The following KCNC1 variants were observed in gnomAD, a reference collection of about 807,000 sequenced individuals.
KCNC1 encodes the protein voltage-gated potassium channel KCNC1.
KCNC1 carries 8 observed loss-of-function variants against 43.4 expected under a neutral mutation model. That is an observed-to-expected ratio of 0.18 (90% CI 0.11 to 0.33). The LOEUF (loss-of-function observed/expected upper bound fraction) is 0.33, where lower values mean the gene tolerates loss of function less well. KCNC1 is among the 10% of genes least tolerant of loss of function. The probability of loss-of-function intolerance (pLI) is 1.00; values close to 1 mark genes in which losing one functional copy is unlikely to be tolerated. For missense variants in KCNC1, 420 were observed against 836.0 expected, an observed-to-expected ratio of 0.50 and a Z score of 6.14; for synonymous variants, 361 against 360.5, an observed-to-expected ratio of 1.00 and a Z score of -0.01.
intron 1 of KCNC1, among the ~76,000 whole-genome samples, chr11:17,743,406 C>A (rs1241056808): frequency 6.6e-6 from 1 of 152,240 alleles, no homozygotes; most frequent in Non-Finnish European, 1.5e-5. Flanking sequence ...TCTTTCCCAA[C>A]AACCTGTCCA....
At chr11:17,774,565 G>A in intron 2 of KCNC1, 1 of 985,628 alleles carries the variant, frequency 1.0e-6, no homozygotes. Flanking sequence ...ATGCACACCA[G>A]CTAATCCCAG....
intron 1 of KCNC1, among the ~76,000 whole-genome samples, chr11:17,751,266 C>G (rs77979332): frequency 6.6e-6 from 1 of 151,954 alleles, no homozygotes; most frequent in Non-Finnish European, 1.5e-5. Context: ...TGGGAGAGAC[C>G]GACGAGTAAT....
chr11:17,776,894 C>G lies in KCNC1; in HGVS notation c.1505-2562C>G. Reference sequence around the variant, plus strand: ...GAAAGCATCTTAAACCATAGATAGACGAACAGCCCAGGGGCCTGGGCCCCT... The same window carrying G: ...GAAAGCATCTTAAACCATAGATAGAGGAACAGCCCAGGGGCCTGGGCCCCT... On this transcript the variant is annotated intron_variant, in intron 2 of 3. Transcript: ENST00000265969. This position sits in a 1 kb window ranked among gnomAD's most constrained non-coding sequence, Gnocchi z 4.4. 28 of 985,334 alleles carry G rather than the reference C, an allele frequency of 2.8e-5. No individual in the cohort carries two copies. The highest frequency in any genetic ancestry group is 3.4e-5 in the Non-Finnish European group (28 of 829,942). The allele number at this position is 985,334 out of a possible 1,614,324, so 61.0% of individuals were successfully genotyped here. A position where few individuals can be genotyped will look rare whatever the true frequency, so the allele number is the denominator to read the frequency against.
At chr11:17,756,961 GCTA>G (rs1849029480) in intron 1 of KCNC1, among the ~76,000 whole-genome samples, 3 of 152,180 alleles carry the variant, frequency 2.0e-5, no homozygotes, top group Admixed American at 2.0e-4. Context: ...ACACTTTCCA[GCTA>G]TGTGGGGGAT....
rs146876822 is a variant in KCNC1, at chr11:17,740,648, G to T, written c.570+4076G>T. 1.3e-3 allele frequency among the ~76,000 whole-genome samples: 196 copies of T among 152,254 alleles called. 1 individual carries two copies. The highest frequency in any genetic ancestry group is 1.8e-3 in the Non-Finnish European group (122 of 68,018). On this transcript the variant is annotated intron_variant, in intron 1 of 3. Transcript: ENST00000265969. ...CTGCAGGCCAGAGTGTCCTGTGTGT[G>T]TGTGTTTGTGTGTGTGTGTTAACAT...
At position 17,773,116 on chromosome 11, in the gene KCNC1, T is replaced by A; in HGVS notation, c.1504+518T>A. 2.0e-6 allele frequency: 2 copies of A among 990,470 alleles called. No homozygotes were observed. The highest frequency in any genetic ancestry group is 2.4e-6 in the Non-Finnish European group (2 of 833,384). The allele number at this position is 990,470 out of a possible 1,614,324, so 61.4% of individuals were successfully genotyped here. A position where few individuals can be genotyped will look rare whatever the true frequency, so the allele number is the denominator to read the frequency against. The stretch of plus-strand genomic sequence containing the variant: ...CCCTTGCAAAGGCAGGTGCAAGGGT[T>A]CTCACCCCCGGCAGAGCCTGTCTCC... On this transcript the variant is annotated intron_variant, in intron 2 of 3. Coordinates refer to ENST00000265969, the MANE Select transcript of KCNC1 (RefSeq NM_001112741.2). The surrounding 1 kb of genome is among the most constrained non-coding windows in gnomAD (Gnocchi z 4.1).
Position 17,751,391 on chromosome 11 carries a change from G to A in KCNC1, c.570+14819G>A, listed in dbSNP as rs190369350. Among the ~76,000 whole-genome samples the A allele has an allele frequency of 3.9e-5, 6 of 152,346 alleles. No individual in the cohort carries two copies. The East Asian group carries it at 1.2e-3, about 29-fold the overall frequency. On this transcript the variant is annotated intron_variant, in intron 1 of 3. Coordinates refer to ENST00000265969, the MANE Select transcript of KCNC1 (RefSeq NM_001112741.2). ...GACACAGCTGGGTGACTCAGTGGATGGGTAAACAAATGGCTGAGAAGGATG... is the reference window on the plus strand; with the variant it reads ...GACACAGCTGGGTGACTCAGTGGATAGGTAAACAAATGGCTGAGAAGGATG...
chr11:17,756,520 A>AAC (rs3051818), intron 1 of KCNC1, among the ~76,000 whole-genome samples: 7,015 of 143,890 alleles, frequency 0.049, 182 homozygotes, highest in Middle Eastern at 0.061. Flanking sequence ...CTTCCCTCCA[A>AAC]ACACACACAC....
intron 1 of KCNC1, among the ~76,000 whole-genome samples, chr11:17,751,598 G>A (rs1848969537): frequency 6.6e-6 from 1 of 152,212 alleles, no homozygotes; most frequent in South Asian, 2.1e-4. Context: ...GAGGTGGGAT[G>A]GTTTGTGGAG....
At chr11:17,766,222 G>C (rs1305493975) in intron 1 of KCNC1, among the ~76,000 whole-genome samples, 3 of 152,254 alleles carry the variant, frequency 2.0e-5, no homozygotes, top group Non-Finnish European at 4.4e-5. Context: ...GCACCCAAGT[G>C]TTTCTGGTGG....
chr11:17,747,082 A>G (rs924877375), intron 1 of KCNC1, among the ~76,000 whole-genome samples: 1 of 151,704 alleles, frequency 6.6e-6, no homozygotes, highest in Non-Finnish European at 1.5e-5. Flanking sequence ...TTAGCTCCTG[A>G]CTCTACTATC....
intron 1 of KCNC1, among the ~76,000 whole-genome samples, chr11:17,762,376 G>A (rs565098564): frequency 6.6e-6 from 1 of 152,354 alleles, no homozygotes; most frequent in East Asian, 1.9e-4. Flanking sequence ...GGAGCTTCAA[G>A]GTGAGAGGCT....
intron 1 of KCNC1, among the ~76,000 whole-genome samples, chr11:17,749,712 G>C (rs559928293): frequency 1.1e-4 from 17 of 152,206 alleles, no homozygotes; most frequent in Non-Finnish European, 2.2e-4. Context: ...GTAAACCCAC[G>C]TGTGTGGCTG....
At chr11:17,752,756 T>C (rs902238898) in intron 1 of KCNC1, among the ~76,000 whole-genome samples, 1 of 152,108 alleles carries the variant, frequency 6.6e-6, no homozygotes, top group Non-Finnish European at 1.5e-5. Flanking sequence ...CTTTATAAAA[T>C]TGGGGTGGTG....
At chr11:17,754,408 T>C (rs1351752575) in intron 1 of KCNC1, among the ~76,000 whole-genome samples, 3 of 152,192 alleles carry the variant, frequency 2.0e-5, no homozygotes, top group East Asian at 1.9e-4. Context: ...AAATCAACGA[T>C]TGTGTACATT....
chr11:17,757,806 G>C (rs971677270), intron 1 of KCNC1, among the ~76,000 whole-genome samples: 2 of 152,160 alleles, frequency 1.3e-5, no homozygotes, highest in African/African-American at 4.8e-5. Context: ...ATACGTTATT[G>C]CTTCAAAATG....
rs564823298 is a variant in KCNC1, at chr11:17,747,934, G to A, written c.570+11362G>A. Among the ~76,000 whole-genome samples the A allele has an allele frequency of 3.3e-5, 5 of 152,150 alleles. No homozygotes were observed. The South Asian group carries it at 6.2e-4, about 19-fold the overall frequency. On this transcript the variant is annotated intron_variant, in intron 1 of 3. Coordinates refer to ENST00000265969, the MANE Select transcript of KCNC1 (RefSeq NM_001112741.2). ...TCACAACTCCTCTCCCCACACTCCC[G>A]CTTTGCACATAAACACAGTCCATGA...
chr11:17,774,124 T>C, intron 2 of KCNC1: 2 of 985,610 alleles, frequency 2.0e-6, no homozygotes, highest in Non-Finnish European at 2.4e-6. Context: ...CCCTGCCGCA[T>C]ACCCTTCCCT....
Position 17,781,929 on chromosome 11 carries a change from CTTCTT to C in KCNC1, c.*199_*203del, listed in dbSNP as rs1849350221. The C allele has an allele frequency of 2.2e-6, 1 of 452,196 alleles. No individual in the cohort carries two copies. Among genetic ancestry groups the C allele is most frequent in the Non-Finnish European group, 3.9e-6 (1 of 256,890 alleles). 28.0% of individuals were successfully genotyped at this position (452,196 alleles called of 1,614,324 possible). Reference sequence around the variant, plus strand: ...AACTGACCGTAGAGGATTTCTTTTCCTTCTTTTCATTTTTTAAAATTTTATTTTAT... The same window carrying C: ...AACTGACCGTAGAGGATTTCTTTTCCTTCATTTTTTAAAATTTTATTTTAT... On this transcript the variant is annotated 3_prime_UTR_variant, in exon 4 of 4. Coordinates refer to ENST00000265969, the MANE Select transcript of KCNC1 (RefSeq NM_001112741.2). The surrounding 1 kb of genome is among the most constrained non-coding windows in gnomAD (Gnocchi z 5.1).
Sources: gnomAD v4.1 joint callset for allele counts (sites outside exome capture counted in the v4.1 genomes callset) on GRCh38, gnomAD v4.1.1 for gene constraint, Gnocchi (gnomAD v3.1) non-coding constraint, MANE v1.5 for transcripts, NCBI Gene and HGNC (gene_info 2026-07-23, HGNC 2026-07-21) for gene names.